The following CNTN4 variants were observed in gnomAD, a reference collection of about 807,000 sequenced individuals.
CNTN4 encodes the protein contactin-4.
CNTN4 carries 77 observed loss-of-function variants against 122.5 expected under a neutral mutation model. That is an observed-to-expected ratio of 0.63 (90% CI 0.52 to 0.76). The LOEUF is 0.76. Ranked by LOEUF, CNTN4 falls within the 30% of genes least tolerant of loss-of-function variation. The pLI, the probability that CNTN4 is intolerant of heterozygous loss-of-function variation, is 0.00. For missense variants in CNTN4, 1,256 were observed against 1,259.1 expected, an observed-to-expected ratio of 1.00 and a Z score of 0.04; for synonymous variants, 512 against 447.0, an observed-to-expected ratio of 1.15 and a Z score of -1.83.
intron 13 of CNTN4, among the ~76,000 whole-genome samples, chr3:2,941,737 T>C (rs1300528826): frequency 8.5e-5 from 13 of 152,300 alleles, no homozygotes; most frequent in Admixed American, 7.2e-4. Context: ...AGAATGGTAA[T>C]GGAAATCAAA....
intron 3 of CNTN4, among the ~76,000 whole-genome samples, chr3:2,426,428 C>G (rs183090784): frequency 1.2e-4 from 19 of 152,256 alleles, no homozygotes; most frequent in Admixed American, 1.1e-3. Flanking sequence ...CCCACTTGAT[C>G]ATGGTGGATA....
intron 5 of CNTN4, among the ~76,000 whole-genome samples, chr3:2,736,754 C>T (rs986750558): frequency 6.6e-6 from 1 of 151,622 alleles, no homozygotes; most frequent in Admixed American, 6.6e-5. Flanking sequence ...TGAGCCACCA[C>T]ACCCGGACCA....
chr3:2,649,557 A>C (rs1335380559), intron 4 of CNTN4, among the ~76,000 whole-genome samples: 2 of 152,212 alleles, frequency 1.3e-5, no homozygotes, highest in Non-Finnish European at 2.9e-5. Context: ...CTGCTCAGAA[A>C]AAAAGATTCC....
chr3:2,784,973 G>C (rs1208828741), intron 6 of CNTN4, among the ~76,000 whole-genome samples: 1 of 152,084 alleles, frequency 6.6e-6, no homozygotes, highest in Non-Finnish European at 1.5e-5. Context: ...AGTAGTTCCT[G>C]CTTGGATATA....
rs149569673 is a variant in CNTN4, at chr3:2,859,823, T to C, written c.455-6929T>C. Among the ~76,000 whole-genome samples, 396 of 152,324 alleles carry C rather than the reference T, an allele frequency of 2.6e-3. 2 individuals carry two copies. The highest frequency in any genetic ancestry group is 9.1e-3 in the African/African-American group (377 of 41,582). ...GAGTTAAATTACTTTCAAGTTAAAT[T>C]CCGTAACTTCCACCCACAATTTCTT... On this transcript the variant is annotated intron_variant, in intron 7 of 24. Transcript: ENST00000418658.
chr3:2,535,255 TC>T (rs1396921385), intron 3 of CNTN4, among the ~76,000 whole-genome samples: 6 of 152,148 alleles, frequency 3.9e-5, no homozygotes. Context: ...TACTTGATCC[TC>T]CCCCTTTTAA....
At chr3:2,731,831 A>C (rs1260949937) in intron 4 of CNTN4, among the ~76,000 whole-genome samples, 1 of 152,230 alleles carries the variant, frequency 6.6e-6, no homozygotes, top group Non-Finnish European at 1.5e-5. Flanking sequence ...TATACAAATG[A>C]AGACAAACTA....
intron 3 of CNTN4, among the ~76,000 whole-genome samples, chr3:2,547,412 C>T (rs1389475765): frequency 2.6e-5 from 4 of 151,966 alleles, no homozygotes; most frequent in East Asian, 1.9e-4. Flanking sequence ...ATTATAAGTG[C>T]TCACCACCAT....
chr3:2,776,125 T>G (rs1391536373), intron 6 of CNTN4, among the ~76,000 whole-genome samples: 1 of 152,162 alleles, frequency 6.6e-6, no homozygotes, highest in Non-Finnish European at 1.5e-5. Flanking sequence ...GGACACAGAC[T>G]CTAAAAGAGT....
intron 3 of CNTN4, among the ~76,000 whole-genome samples, chr3:2,452,781 C>T (rs79628758): frequency 0.017 from 2,658 of 151,974 alleles, 81 homozygotes; most frequent in African/African-American, 0.061. Context: ...TCCTAATCCT[C>T]GTATGAAGAT....
At chr3:2,305,031 A>G (rs2042654417) in intron 2 of CNTN4, among the ~76,000 whole-genome samples, 1 of 152,002 alleles carries the variant, frequency 6.6e-6, no homozygotes, top group South Asian at 2.1e-4. Flanking sequence ...TTCACTTCCT[A>G]TGGCAAGCAG....
At chr3:2,699,803 C>CTTAG in intron 4 of CNTN4, among the ~76,000 whole-genome samples, 1 of 152,328 alleles carries the variant, frequency 6.6e-6, no homozygotes, top group East Asian at 1.9e-4. Flanking sequence ...GATTATCTGG[C>CTTAG]TTAGCCTCAT....
At chr3:2,674,780 C>CA (rs77564807) in intron 4 of CNTN4, among the ~76,000 whole-genome samples, 231 of 140,116 alleles carry the variant, frequency 1.6e-3, no homozygotes, top group Middle Eastern at 7.6e-3. Context: ...AACAAAAAAA[C>CA]AAAAAAAAAA....
chr3:2,666,594 A>ATT (rs1459160903), intron 4 of CNTN4, among the ~76,000 whole-genome samples: 18 of 150,948 alleles, frequency 1.2e-4, no homozygotes, highest in African/African-American at 4.1e-4. Context: ...TTCTTTTTTT[A>ATT]TTTTTATTTT....
chr3:2,248,636 C>T (rs1323296320), intron 2 of CNTN4, among the ~76,000 whole-genome samples: 2 of 152,002 alleles, frequency 1.3e-5, no homozygotes, highest in East Asian at 1.9e-4. Context: ...GGGTTGCTTC[C>T]TTAACAAATA....
intron 3 of CNTN4, among the ~76,000 whole-genome samples, chr3:2,567,534 T>G (rs2079225784): frequency 6.6e-6 from 1 of 152,202 alleles, no homozygotes; most frequent in African/African-American, 2.4e-5. Flanking sequence ...ACGTTTCAAC[T>G]TTGTGCCAGT....
chr3:3,039,377 T>C (rs1166429945), intron 19 of CNTN4: 2 of 188,870 alleles, frequency 1.1e-5, no homozygotes, highest in Non-Finnish European at 2.2e-5. Flanking sequence ...CACAATTTCC[T>C]GGCAATTGGC....
chr3:3,011,655 AC>A (rs1356172745), intron 14 of CNTN4, among the ~76,000 whole-genome samples: 1 of 152,160 alleles, frequency 6.6e-6, no homozygotes, highest in Non-Finnish European at 1.5e-5. Flanking sequence ...AGCATTTGTT[AC>A]CAGTTTTAGT....
At chr3:2,981,465 C>T (rs1451254100) in intron 13 of CNTN4, among the ~76,000 whole-genome samples, 1 of 151,776 alleles carries the variant, frequency 6.6e-6, no homozygotes, top group East Asian at 1.9e-4. Context: ...AAAGGAAAAC[C>T]TTACCGAGGA....
Sources: gnomAD v4.1 joint callset for allele counts (sites outside exome capture counted in the v4.1 genomes callset) on GRCh38, gnomAD v4.1.1 for gene constraint, MANE v1.5 for transcripts, NCBI Gene and HGNC (gene_info 2026-07-23, HGNC 2026-07-21) for gene names.